The following UNC13C variants were observed in gnomAD, a reference collection of about 807,000 sequenced individuals.
UNC13C encodes the protein protein unc-13 homolog C.
Under a neutral mutation model 245.4 loss-of-function variants are expected in UNC13C, and 174 were observed. The ratio of observed to expected loss-of-function variants is 0.71; its 90% confidence interval spans 0.63 to 0.80. The LOEUF is 0.80. Ranked by LOEUF, UNC13C falls within the 30% of genes least tolerant of loss-of-function variation. UNC13C has a pLI of 0.00. For synonymous variants in UNC13C, 992 were observed against 895.1 expected (o/e 1.11, Z -1.93); for missense variants, 2,829 against 2,602.9 (o/e 1.09, Z -1.89).
intron 13 of UNC13C, among the ~76,000 whole-genome samples, chr15:54,309,057 T>G (rs2037799537): frequency 6.6e-6 from 1 of 151,864 alleles, no homozygotes; most frequent in African/African-American, 2.4e-5. Flanking sequence ...TAGTTCTATT[T>G]TTAACTTTTT....
chr15:54,409,296 C>A (rs1479986225), intron 18 of UNC13C, among the ~76,000 whole-genome samples: 2 of 150,372 alleles, frequency 1.3e-5, no homozygotes, highest in African/African-American at 4.9e-5. Context: ...TAATAATATT[C>A]TTTTTGTCTT....
intron 17 of UNC13C, among the ~76,000 whole-genome samples, chr15:54,389,585 G>A (rs993735938): frequency 3.3e-5 from 5 of 152,176 alleles, no homozygotes; most frequent in African/African-American, 1.2e-4. Flanking sequence ...GTGTGTGTAA[G>A]TACATGATAC....
chr15:54,450,565 T>A (rs576674988), intron 19 of UNC13C, among the ~76,000 whole-genome samples: 1 of 152,344 alleles, frequency 6.6e-6, no homozygotes, highest in African/African-American at 2.4e-5. Context: ...TGGGACCCTC[T>A]GAGCCAGACG....
In UNC13C at chr15:54,622,438, TAAATC is replaced by T; in HGVS notation, c.6199+23_6199+27del. ...GTAAAAGGTATACTTCTGGTCTAGATAAATCAAAACAGCCTTCTAAACTTCTGCAG... is the reference window on the plus strand; with the variant it reads ...GTAAAAGGTATACTTCTGGTCTAGATAAAACAGCCTTCTAAACTTCTGCAG... On this transcript the variant is annotated intron_variant, in intron 31 of 32. Coordinates refer to ENST00000260323, the MANE Select transcript of UNC13C (RefSeq NM_001080534.3). 6.3e-7 allele frequency: 1 copy of T among 1,585,596 alleles called. No homozygotes were observed. The highest frequency in any genetic ancestry group is 8.7e-7 in the Non-Finnish European group (1 of 1,154,444).
chr15:54,621,952 G>C (rs897837055), intron 30 of UNC13C, among the ~76,000 whole-genome samples: 1 of 152,104 alleles, frequency 6.6e-6, no homozygotes, highest in Non-Finnish European at 1.5e-5. Context: ...CCAGTGCTCC[G>C]GTATGGCACA....
chr15:53,937,148 C>T, the UNC13C span, among the ~76,000 whole-genome samples: 5 of 152,146 alleles, frequency 3.3e-5, no homozygotes, highest in South Asian at 4.1e-4. Context: ...AAAACAATTT[C>T]GATGTTGATA....
At chr15:53,852,571 C>G in the UNC13C span, among the ~76,000 whole-genome samples, 1 of 152,146 alleles carries the variant, frequency 6.6e-6, no homozygotes, top group African/African-American at 2.4e-5. Flanking sequence ...TTAGCCACTT[C>G]TGCCTCTCTG....
intron 8 of UNC13C, among the ~76,000 whole-genome samples, chr15:54,255,179 C>T (rs2036248400): frequency 6.6e-6 from 1 of 152,118 alleles, no homozygotes; most frequent in Non-Finnish European, 1.5e-5. Context: ...CGTAGGTGGC[C>T]TGTGTTAGTC....
chr15:53,884,811 C>T, the UNC13C span, among the ~76,000 whole-genome samples: 3,430 of 152,102 alleles, frequency 0.023, 143 homozygotes, highest in African/African-American at 0.078. Context: ...CTCTAGTTCC[C>T]CCCTCTTTCC....
chr15:54,364,817 C>T (rs1263815588), intron 17 of UNC13C, among the ~76,000 whole-genome samples: 1 of 152,150 alleles, frequency 6.6e-6, no homozygotes, highest in African/African-American at 2.4e-5. Flanking sequence ...TTGATTCTCA[C>T]TGATGAATAG....
At position 54,264,150 on chromosome 15, in the gene UNC13C, T is replaced by C. The variant is rs749673640; in HGVS notation, c.3449-18T>C. ...AATGGCATTTCCATTCACATCACCATTGATGTTTCCATCATAGGAGCAGCA... is the reference window on the plus strand; with the variant it reads ...AATGGCATTTCCATTCACATCACCACTGATGTTTCCATCATAGGAGCAGCA... On this transcript the variant is annotated intron_variant, in intron 8 of 32. Transcript: ENST00000260323. 2.6e-5 allele frequency: 40 copies of C among 1,554,652 alleles called. No homozygotes were observed. The highest frequency in any genetic ancestry group is 1.4e-4 in the African/African-American group (10 of 73,412).
chr15:54,230,483 T>G (rs2140813613), intron 4 of UNC13C, among the ~76,000 whole-genome samples: 1 of 152,176 alleles, frequency 6.6e-6, no homozygotes, highest in South Asian at 2.1e-4. Flanking sequence ...TAATCTCTAC[T>G]TAATCAGTAA....
In UNC13C at chr15:54,060,086, G is replaced by A. The variant is rs1490321526; in HGVS notation, c.2983+44200G>A. On this transcript the variant is annotated intron_variant, in intron 2 of 32. Coordinates refer to ENST00000260323, the MANE Select transcript of UNC13C (RefSeq NM_001080534.3). ...GGACTTCATGTCTAAAACACCAAAA[G>A]CAATGGCAACAAAAGCCAAAATTGA... 8.5e-5 allele frequency among the ~76,000 whole-genome samples: 13 copies of A among 152,236 alleles called. No homozygotes were observed. In the East Asian group the frequency reaches 2.5e-3, roughly 29 times the overall value.
chr15:54,322,136 A>G, intron 14 of UNC13C, 41 bp downstream of exon 14: 2 of 1,496,100 alleles, frequency 1.3e-6, no homozygotes, highest in Non-Finnish European at 1.8e-6. Flanking sequence ...CTAGCAGCTT[A>G]TGGGAGTTAC....
chr15:54,048,482 A>G (rs188788237), intron 2 of UNC13C: 6 of 606,716 alleles, frequency 9.9e-6, no homozygotes, highest in Non-Finnish European at 1.9e-5. Flanking sequence ...AAGAAGTGCT[A>G]TTTCAGCCTC....
At chr15:54,604,017 C>T (rs1179366983) in intron 30 of UNC13C, among the ~76,000 whole-genome samples, 1 of 152,102 alleles carries the variant, frequency 6.6e-6, no homozygotes, top group Non-Finnish European at 1.5e-5. Flanking sequence ...GTGATATCCT[C>T]TGGTTTCACA....
intron 17 of UNC13C, among the ~76,000 whole-genome samples, chr15:54,378,073 G>T (rs954502516): frequency 6.6e-6 from 1 of 151,934 alleles, no homozygotes; most frequent in Non-Finnish European, 1.5e-5. Context: ...ATGTGTACGT[G>T]GAAGTTTATA....
At chr15:53,969,611 A>G in the UNC13C span, among the ~76,000 whole-genome samples, 2 of 151,450 alleles carry the variant, frequency 1.3e-5, no homozygotes, top group African/African-American at 4.9e-5. Flanking sequence ...GCTTGAGCAT[A>G]AGAGTTAGAG....
At chr15:53,950,205 C>T in the UNC13C span, among the ~76,000 whole-genome samples, 3 of 152,110 alleles carry the variant, frequency 2.0e-5, no homozygotes. Context: ...GTATTGAAAG[C>T]CCATCACGTG....
Sources: allele counts gnomAD v4.1 joint callset (sites outside exome capture counted in the v4.1 genomes callset), GRCh38; gene constraint gnomAD v4.1.1; transcripts MANE v1.5; gene names NCBI Gene and HGNC (gene_info 2026-07-23, HGNC 2026-07-21).